Variants in SNX9 observed in about 807,000 individuals in gnomAD.
The protein encoded by SNX9 is sorting nexin 9, also known as sorting nexin-9.
A neutral mutation model predicts 89.4 loss-of-function variants in SNX9; 44 were observed. That is an observed-to-expected ratio of 0.49 (90% CI 0.39 to 0.63). The LOEUF (loss-of-function observed/expected upper bound fraction) is 0.63. Among genes scored for constraint, SNX9 ranks in the 30% least tolerant of loss-of-function variants. SNX9 has a pLI of 0.00. For synonymous variants in SNX9, 236 were observed against 247.8 expected (o/e 0.95, Z 0.45); for missense variants, 578 against 736.1 (o/e 0.79, Z 2.49).
intron 13 of SNX9, among the ~76,000 whole-genome samples, chr6:157,935,702 C>T (rs568973473): frequency 6.4e-4 from 98 of 152,230 alleles, no homozygotes; most frequent in African/African-American, 2.1e-3. Context: ...TTTTAGAGTC[C>T]TCATCTATTA....
chr6:157,942,939 C>A lies in SNX9; in HGVS notation c.*101C>A. The A allele has an allele frequency of 7.7e-7, 1 of 1,305,136 alleles. No individual in the cohort carries two copies. The highest frequency in any genetic ancestry group is 2.6e-5 in the Admixed American group (1 of 38,910). 80.8% of individuals were successfully genotyped at this position (1,305,136 alleles called of 1,614,324 possible). ...CCTATTATTCAGAAAAAAAAGGAAA[C>A]AAAACCAAAAAGAAAGAGTTGCAAA... On this transcript the variant is annotated 3_prime_UTR_variant, in exon 18 of 18. Transcript: ENST00000392185.
In SNX9 at chr6:157,942,867, C is replaced by T. The variant is rs1209457081; in HGVS notation, c.*29C>T. 3 of 1,601,804 alleles carry T rather than the reference C, an allele frequency of 1.9e-6. No homozygotes were observed. The highest frequency in any genetic ancestry group is 1.7e-4 in the Middle Eastern group (1 of 6,030). ...AGAACGGGCCTTGAAGAGAATGCCG[C>T]GTGCTTTCTCCTGACTTGGGGCAAT... On this transcript the variant is annotated 3_prime_UTR_variant, in exon 18 of 18. Coordinates refer to ENST00000392185, the MANE Select transcript of SNX9 (RefSeq NM_016224.5).
chr6:157,909,879 T>G, intron 8 of SNX9, 29 bp from the exon 9 acceptor site: 2 of 1,612,216 alleles, frequency 1.2e-6, no homozygotes, highest in Non-Finnish European at 1.7e-6. Context: ...TTGGCATTGG[T>G]AACCTTTTCT....
At chr6:157,897,476 G>T (rs1024240644) in intron 5 of SNX9, among the ~76,000 whole-genome samples, 1 of 152,028 alleles carries the variant, frequency 6.6e-6, no homozygotes, top group Admixed American at 6.5e-5. Context: ...GGATTTTTAC[G>T]GCGGTTTCAT....
chr6:157,844,643 G>C (rs1282218447), intron 1 of SNX9, among the ~76,000 whole-genome samples: 1 of 145,986 alleles, frequency 6.8e-6, no homozygotes, highest in Non-Finnish European at 1.5e-5. Context: ...GCCCAGGCTG[G>C]AGTGCAGTGG....
At chr6:157,899,892 A>AGTGTGTGT (rs112378365) in intron 5 of SNX9, among the ~76,000 whole-genome samples, 17,402 of 151,750 alleles carry the variant, frequency 0.11, 1,238 homozygotes, top group African/African-American at 0.19. Context: ...TGATTACCTA[A>AGTGTGTGT]GTGTGTGTGT....
intron 15 of SNX9, 46 bp from the exon 16 acceptor site, chr6:157,938,587 T>A (rs751084051): frequency 1.6e-6 from 2 of 1,266,978 alleles, no homozygotes; most frequent in Non-Finnish European, 2.3e-6. Context: ...AACTAATGAC[T>A]AATCATTTCA....
intron 1 of SNX9, among the ~76,000 whole-genome samples, chr6:157,852,478 G>A (rs1435159844): frequency 1.3e-5 from 2 of 152,016 alleles, no homozygotes; most frequent in African/African-American, 4.8e-5. Flanking sequence ...CAATAAGCAC[G>A]TGTATCTTAG....
At chr6:157,873,741 G>T (rs1408254320) in intron 3 of SNX9, among the ~76,000 whole-genome samples, 1 of 151,870 alleles carries the variant, frequency 6.6e-6, no homozygotes, top group East Asian at 1.9e-4. Flanking sequence ...AGTTTAAATA[G>T]ATTTTTTTAA....
intron 1 of SNX9, among the ~76,000 whole-genome samples, chr6:157,847,026 G>A (rs896155454): frequency 3.9e-5 from 6 of 152,104 alleles, no homozygotes; most frequent in Non-Finnish European, 7.3e-5. Flanking sequence ...CTGGGCAACA[G>A]AGCAAGGCTC....
chr6:157,941,860 A>G (rs1358838869), intron 17 of SNX9, among the ~76,000 whole-genome samples: 1 of 152,252 alleles, frequency 6.6e-6, no homozygotes, highest in Non-Finnish European at 1.5e-5. Context: ...GAACTCACCT[A>G]AGCCCTGTCC....
intron 1 of SNX9, among the ~76,000 whole-genome samples, chr6:157,846,168 C>CA (rs1160979675): frequency 4.6e-5 from 7 of 152,242 alleles, no homozygotes; most frequent in African/African-American, 1.7e-4. Flanking sequence ...TGCTGTTAGG[C>CA]AAAATCTCTT....
rs1013653489 is a variant in SNX9, at chr6:157,943,339, T to C, written c.*501T>C. ...TTTCAGTCCTCTGGGGCTCCTGTCA[T>C]TGAGGGAAGTCGTTACGCCTTTCAC... On this transcript the variant is annotated 3_prime_UTR_variant, in exon 18 of 18. Coordinates refer to ENST00000392185, the MANE Select transcript of SNX9 (RefSeq NM_016224.5). The C allele has an allele frequency of 6.6e-5, 10 of 152,476 alleles. No individual in the cohort carries two copies. Among genetic ancestry groups the C allele is most frequent in the African/African-American group, 2.4e-4 (10 of 41,590 alleles). 9.4% of individuals were successfully genotyped at this position (152,476 alleles called of 1,614,324 possible).
At chr6:157,925,232 A>G (rs1783666486) in intron 10 of SNX9, among the ~76,000 whole-genome samples, 1 of 152,214 alleles carries the variant, frequency 6.6e-6, no homozygotes, top group African/African-American at 2.4e-5. Flanking sequence ...ATCTGAATCA[A>G]CAACAGATGT....
intron 2 of SNX9, 126 bp from the exon 3 acceptor site, chr6:157,872,976 C>T (rs1037067297): frequency 2.0e-5 from 11 of 563,542 alleles, no homozygotes; most frequent in Non-Finnish European, 3.1e-5. Context: ...GAACGGTGTT[C>T]TCTAGGAATG....
chr6:157,845,681 A>C (rs1283925561), intron 1 of SNX9, among the ~76,000 whole-genome samples: 1 of 152,208 alleles, frequency 6.6e-6, no homozygotes, highest in Non-Finnish European at 1.5e-5. Context: ...TTTTATACAA[A>C]GCATAGACGG....
At chr6:157,927,372 G>A (rs1783716137) in intron 11 of SNX9, among the ~76,000 whole-genome samples, 158 bp downstream of exon 11, 1 of 152,182 alleles carries the variant, frequency 6.6e-6, no homozygotes, top group Non-Finnish European at 1.5e-5. Context: ...AACATCATTT[G>A]TACATAGAAG....
intron 12 of SNX9, among the ~76,000 whole-genome samples, chr6:157,930,360 C>G (rs1446097496): frequency 6.6e-6 from 1 of 152,180 alleles, no homozygotes; most frequent in African/African-American, 2.4e-5. Context: ...TATACAAATG[C>G]AGCATCTAGA....
At chr6:157,887,720 A>G (rs1416752820) in intron 4 of SNX9, among the ~76,000 whole-genome samples, 5 of 152,166 alleles carry the variant, frequency 3.3e-5, no homozygotes, top group Admixed American at 1.3e-4. Context: ...CTGTTACTCC[A>G]TCTTTGTTGT....
Sources: gnomAD v4.1 joint callset for allele counts (sites outside exome capture counted in the v4.1 genomes callset) on GRCh38, gnomAD v4.1.1 for gene constraint, MANE v1.5 for transcripts, NCBI Gene and HGNC (gene_info 2026-07-23, HGNC 2026-07-21) for gene names.